Variants in MAPK10 observed in about 807,000 individuals in gnomAD.
The protein encoded by MAPK10 is JNK3 alpha protein kinase.
In MAPK10, 25 loss-of-function variants were observed where a neutral mutation model predicts 59.3. That is an observed-to-expected ratio of 0.42 (90% CI 0.31 to 0.59). The LOEUF (loss-of-function observed/expected upper bound fraction) is 0.59. Among genes scored for constraint, MAPK10 ranks in the 20% least tolerant of loss-of-function variants. MAPK10 has a pLI of 0.15. For synonymous variants in MAPK10, 190 were observed against 200.5 expected, an observed-to-expected ratio of 0.95 and a Z score of 0.44; for missense variants, 351 against 568.9, an observed-to-expected ratio of 0.62 and a Z score of 3.90.
chr4:86,194,159 G>A, intron 3 of MAPK10, 177 bp downstream of exon 3: 1 of 594,344 alleles, frequency 1.7e-6, no homozygotes, highest in Non-Finnish European at 3.0e-6. Flanking sequence ...CGTTGATCTT[G>A]CTGGGAGCTG....
At chr4:86,334,642 C>T (rs1371337141) in intron 2 of MAPK10, among the ~76,000 whole-genome samples, 1 of 151,854 alleles carries the variant, frequency 6.6e-6, no homozygotes, top group African/African-American at 2.4e-5. Context: ...AACTTTTTTC[C>T]ACCTCACAAA....
At chr4:86,428,558 G>GGATAGATA (rs547873601) in intron 1 of MAPK10, among the ~76,000 whole-genome samples, 1 of 151,866 alleles carries the variant, frequency 6.6e-6, no homozygotes, top group African/African-American at 2.4e-5. Context: ...AAACTAAGAT[G>GGATAGATA]GATAGATAGA....
At chr4:86,551,845 T>G (rs1578093201) in intron 1 of MAPK10, among the ~76,000 whole-genome samples, 1 of 152,202 alleles carries the variant, frequency 6.6e-6, no homozygotes, top group African/African-American at 2.4e-5. Flanking sequence ...CCTCAAGTGA[T>G]CCACCTGCCT....
intron 2 of MAPK10, among the ~76,000 whole-genome samples, chr4:86,277,797 AC>A (rs1265996384): frequency 1.3e-5 from 2 of 152,144 alleles, no homozygotes; most frequent in Admixed American, 1.3e-4. Flanking sequence ...TCCACTATCA[AC>A]CATCTAAATT....
intron 4 of MAPK10, among the ~76,000 whole-genome samples, chr4:86,155,790 AGG>A (rs2067593183): frequency 6.6e-6 from 1 of 152,080 alleles, no homozygotes; most frequent in East Asian, 1.9e-4. Flanking sequence ...TTTAACTTAA[AGG>A]AAGCACTTTA....
chr4:86,397,706 T>C (rs1444419194), intron 1 of MAPK10, among the ~76,000 whole-genome samples: 2 of 152,010 alleles, frequency 1.3e-5, no homozygotes, highest in Non-Finnish European at 2.9e-5. Flanking sequence ...TGCCTTTTTC[T>C]GTATGTTAAT....
At chr4:86,180,787 A>C (rs1675158097) in intron 3 of MAPK10, among the ~76,000 whole-genome samples, 2 of 151,998 alleles carry the variant, frequency 1.3e-5, no homozygotes. Flanking sequence ...TCATATATGG[A>C]AGCTAAAAAA....
rs189671969 is a variant in MAPK10, at chr4:86,278,628, T to A, written c.-7+75902A>T. On this transcript the variant is annotated intron_variant, in intron 2 of 13. Coordinates refer to ENST00000641462, the MANE Select transcript of MAPK10 (RefSeq NM_138982.4). Reference sequence around the variant, plus strand: ...CAGAAGCATTAACCTAGCAATTTTTTAAAAACTAAAAATAAATTACTAAAA... The same window carrying A: ...CAGAAGCATTAACCTAGCAATTTTTAAAAAACTAAAAATAAATTACTAAAA... Among the ~76,000 whole-genome samples, 622 of 152,236 alleles carry A rather than the reference T, an allele frequency of 4.1e-3. 2 individuals carry two copies. Among genetic ancestry groups the A allele is most frequent in the African/African-American group, 0.014 (588 of 41,548 alleles).
rs761597044 is a variant in MAPK10, at chr4:86,283,784, A to G, written c.-7+70746T>C. On this transcript the variant is annotated intron_variant, in intron 2 of 13. Coordinates refer to ENST00000641462, the MANE Select transcript of MAPK10 (RefSeq NM_138982.4). ...TGGTTGCTTGTAGTGCAGGTTATCAATGTAAGACATTTTCATGTCTGTTTT... is the reference window on the plus strand; with the variant it reads ...TGGTTGCTTGTAGTGCAGGTTATCAGTGTAAGACATTTTCATGTCTGTTTT... 4.0e-4 allele frequency among the ~76,000 whole-genome samples: 61 copies of G among 152,320 alleles called. 1 individual carries two copies. The highest frequency in any genetic ancestry group is 5.9e-4 in the Non-Finnish European group (40 of 68,032).
intron 4 of MAPK10, among the ~76,000 whole-genome samples, chr4:86,139,622 G>A (rs1314811892): frequency 2.0e-5 from 3 of 152,100 alleles, no homozygotes; most frequent in African/African-American, 2.4e-5. Flanking sequence ...CATAGGCATG[G>A]GCAAGGATTT....
chr4:86,540,094 A>G (rs1451860568), intron 1 of MAPK10, among the ~76,000 whole-genome samples: 2 of 152,204 alleles, frequency 1.3e-5, no homozygotes, highest in African/African-American at 2.4e-5. Context: ...GAATCCATCC[A>G]TTGGGTCAAT....
At position 86,536,127 on chromosome 4, in the gene MAPK10, C is replaced by A. The variant is rs142824098; in HGVS notation, c.-263+57783G>T. On this transcript the variant is annotated intron_variant, in intron 1 of 4. Transcript: ENST00000502302. ...AATGGGGAGACAGTCTGGCTCAAGG[C>A]AACAACTATCTAATAAATAATTTAG... is the stretch of plus-strand genomic sequence containing the variant. 3.3e-3 allele frequency among the ~76,000 whole-genome samples: 510 copies of A among 152,306 alleles called. 1 individual carries two copies. The highest frequency in any genetic ancestry group is 0.012 in the African/African-American group (493 of 41,558).
intron 13 of MAPK10, among the ~76,000 whole-genome samples, chr4:86,021,980 C>A (rs539941260): frequency 6.6e-6 from 1 of 152,244 alleles, no homozygotes; most frequent in Non-Finnish European, 1.5e-5. Flanking sequence ...GGTTCCCGCT[C>A]GTGCCTCTCC....
chr4:86,543,968 T>G (rs963692032), intron 1 of MAPK10, among the ~76,000 whole-genome samples: 2 of 152,312 alleles, frequency 1.3e-5, no homozygotes, highest in East Asian at 3.9e-4. Context: ...ATATTCTGGA[T>G]CCCTTCAGTA....
intron 1 of MAPK10, among the ~76,000 whole-genome samples, chr4:86,459,929 T>C (rs1751583284): frequency 6.6e-6 from 1 of 151,940 alleles, no homozygotes; most frequent in Non-Finnish European, 1.5e-5. Flanking sequence ...AAAAATTTAA[T>C]TAAAAAATAA....
chr4:86,050,126 C>A (rs2043239834), intron 11 of MAPK10, among the ~76,000 whole-genome samples: 1 of 152,140 alleles, frequency 6.6e-6, no homozygotes, highest in East Asian at 1.9e-4. Context: ...CTTCCACCTC[C>A]ATTTCACTTG....
intron 4 of MAPK10, among the ~76,000 whole-genome samples, chr4:86,157,929 A>G (rs1343623219): frequency 1.3e-5 from 2 of 152,044 alleles, no homozygotes; most frequent in South Asian, 4.1e-4. Flanking sequence ...AACTATCCCA[A>G]TTAATATTTG....
chr4:86,295,227 G>A (rs763573847), intron 2 of MAPK10, among the ~76,000 whole-genome samples: 24 of 151,968 alleles, frequency 1.6e-4, no homozygotes, highest in Non-Finnish European at 2.8e-4. Flanking sequence ...TAACCCCCTC[G>A]GGCCCCACGC....
At chr4:86,430,190 T>A (rs1747853514) in intron 1 of MAPK10, among the ~76,000 whole-genome samples, 1 of 152,218 alleles carries the variant, frequency 6.6e-6, no homozygotes, top group Admixed American at 6.5e-5. Flanking sequence ...CCTGGTCATA[T>A]GAAAGAATAC....
Sources: allele counts gnomAD v4.1 joint callset (sites outside exome capture counted in the v4.1 genomes callset), GRCh38; gene constraint gnomAD v4.1.1; transcripts MANE v1.5; gene names NCBI Gene and HGNC (gene_info 2026-07-23, HGNC 2026-07-21).